CFHR4: variants seen among roughly 807,000 people sequenced by gnomAD.
CFHR4 encodes the protein complement factor H related 4.
A neutral mutation model predicts 69.3 loss-of-function variants in CFHR4; 64 were observed. That is an observed-to-expected ratio of 0.92 (90% CI 0.76 to 1.14). CFHR4 has a LOEUF of 1.14. Ranked by LOEUF, CFHR4 falls within the 50% of genes most tolerant of loss-of-function variation. The pLI is 0.00. For missense variants in CFHR4, 636 were observed against 684.9 expected, an observed-to-expected ratio of 0.93 and a Z score of 0.80; for synonymous variants, 244 against 237.0, an observed-to-expected ratio of 1.03 and a Z score of -0.27.
At chr1:196,896,944 C>T (rs781497552) in intron 1 of CFHR4, among the ~76,000 whole-genome samples, 2 of 151,404 alleles carry the variant, frequency 1.3e-5, no homozygotes, top group African/African-American at 4.9e-5. Flanking sequence ...ATGTGCACAA[C>T]GTGCAGGTTT....
rs1558251547 is a variant in CFHR4, at chr1:196,914,580, A to G, written c.1266A>G (p.Glu422=). 1 of 1,611,830 alleles carries G rather than the reference A, an allele frequency of 6.2e-7. No individual in the cohort carries two copies. The highest frequency in any genetic ancestry group is 8.5e-7 in the Non-Finnish European group (1 of 1,179,154). The change falls in exon 8 of 10, where the codon GAA becomes GAG. Residue 422 remains glutamate (E), a synonymous_variant. Coordinates refer to ENST00000608469, the MANE Select transcript of CFHR4 (RefSeq NM_001201550.3). ...AGCTCCATGACACATTGGACTACGAATGCTACGATGGATATGAAATCAGTT... is the reference window on the plus strand; with the variant it reads ...AGCTCCATGACACATTGGACTACGAGTGCTACGATGGATATGAAATCAGTT... ...RFKLHDTLDY[E]CYDGYEISYG...
intron 6 of CFHR4, among the ~76,000 whole-genome samples, 176 bp downstream of exon 6, chr1:196,910,654 G>A (rs941291949): frequency 4.0e-5 from 6 of 151,244 alleles, no homozygotes; most frequent in Non-Finnish European, 7.4e-5. Flanking sequence ...AAAATCACAT[G>A]AGAAATAAAT....
intron 1 of CFHR4, among the ~76,000 whole-genome samples, chr1:196,891,044 AG>A (rs1657002275): frequency 6.6e-6 from 1 of 151,474 alleles, no homozygotes; most frequent in African/African-American, 2.4e-5. Flanking sequence ...TGAGGCCAGG[AG>A]TTTGGGACCA....
At position 196,905,225 on chromosome 1, in the gene CFHR4, A is replaced by T. The variant is rs1177756748; in HGVS notation, c.374A>T (p.Glu125Val). Residue 125 changes from glutamate (E) to valine (V), a missense_variant, in exon 3 of 10, where the codon GAG (glutamate) becomes GTG (valine). Transcript: ENST00000608469. ...TGTAAACCAGGATATGCAACAGCAG[A>T]GGGAAATTCTTCAGGATCAATTACA... ...YNCKPGYATA[E>V]GNSSGSITCL... 2 of 1,611,792 alleles carry T rather than the reference A, an allele frequency of 1.2e-6. No homozygotes were observed. Among genetic ancestry groups the T allele is most frequent in the African/African-American group, 2.7e-5 (2 of 74,502 alleles).
rs184131375 is a variant in CFHR4, at chr1:196,910,223, A to G, written c.800-58A>G. On this transcript the variant is annotated intron_variant, in intron 5 of 9. Coordinates refer to ENST00000608469, the MANE Select transcript of CFHR4 (RefSeq NM_001201550.3). ...AACATAATCAAAACAGTCATCTCTT[A>G]TATCATTGTCTGTTACAGTGAAACA... 1.2e-3 allele frequency: 1,204 copies of G among 966,860 alleles called. 33 individuals carry two copies. In the African/African-American group the frequency reaches 0.013, roughly 10 times the overall value. The allele number at this position is 966,860 out of a possible 1,614,324, so 59.9% of individuals were successfully genotyped here.
chr1:196,888,324 T>C (rs1656836268), intron 1 of CFHR4, 116 bp downstream of exon 1: 1 of 921,552 alleles, frequency 1.1e-6, no homozygotes, highest in Non-Finnish European at 1.7e-6. Flanking sequence ...TTCACTATGC[T>C]AGCAGAAGTA....
intron 5 of CFHR4, among the ~76,000 whole-genome samples, chr1:196,909,433 AT>A (rs1658116028): frequency 6.6e-6 from 1 of 151,622 alleles, no homozygotes; most frequent in Non-Finnish European, 1.5e-5. Context: ...TTTGAAAAAT[AT>A]GTTTGGAGAA....
chr1:196,918,520 A>T lies in CFHR4; in HGVS notation c.*114A>T. On this transcript the variant is annotated 3_prime_UTR_variant, in exon 10 of 10. Transcript: ENST00000608469. ...GTAATTTCTACTTTATTTCAAAGAA[A>T]ATTAATATAATAGTTTCAATTTGCA... 9.3e-7 allele frequency: 1 copy of T among 1,076,006 alleles called. No individual in the cohort carries two copies. The highest frequency in any genetic ancestry group is 1.4e-6 in the Non-Finnish European group (1 of 721,548). The allele number at this position is 1,076,006 out of a possible 1,614,324, so 66.7% of individuals were successfully genotyped here.
intron 1 of CFHR4, among the ~76,000 whole-genome samples, chr1:196,893,833 A>G (rs939709319): frequency 6.6e-6 from 1 of 151,608 alleles, no homozygotes; most frequent in Non-Finnish European, 1.5e-5. Flanking sequence ...GTAGCTTAAT[A>G]AACCAAAGTT....
intron 9 of CFHR4, among the ~76,000 whole-genome samples, 167 bp from the exon 10 acceptor site, chr1:196,918,043 T>C (rs890451221): frequency 6.6e-6 from 1 of 151,674 alleles, no homozygotes; most frequent in Non-Finnish European, 1.5e-5. Context: ...ACTGAACTTA[T>C]TATATTTTTG....
rs573229037 is a variant in CFHR4, at chr1:196,905,328, C to T, written c.439+38C>T. ...CATATTCCCACTCAGTTTCTGTCAACTTCTTTCCTCTCTTTGAGGTGATAG... is the reference window on the plus strand; with the variant it reads ...CATATTCCCACTCAGTTTCTGTCAATTTCTTTCCTCTCTTTGAGGTGATAG... On this transcript the variant is annotated intron_variant, in intron 3 of 9. Transcript: ENST00000608469. 468 of 1,606,360 alleles carry T rather than the reference C, an allele frequency of 2.9e-4. 13 individuals carry two copies. The African/African-American group carries it at 5.4e-3, about 18-fold the overall frequency.
At chr1:196,897,909 C>A (rs2124942912) in intron 1 of CFHR4, among the ~76,000 whole-genome samples, 1 of 151,418 alleles carries the variant, frequency 6.6e-6, no homozygotes, top group East Asian at 1.9e-4. Flanking sequence ...TGCCTGTCTC[C>A]TTTCCGTATC....
chr1:196,906,402 T>C (rs1039552854), intron 3 of CFHR4, among the ~76,000 whole-genome samples: 5 of 151,544 alleles, frequency 3.3e-5, no homozygotes, highest in Non-Finnish European at 7.4e-5. Context: ...ATTTGTAAAA[T>C]AAAAGATGCT....
chr1:196,914,453 G>A lies in CFHR4; in HGVS notation c.1181-42G>A, dbSNP rs562414750. ...GACTTTCTTAGTTGAGTTGTGCATC[G>A]TATGGCATAGAAAAGCAATCCTCAA... is the stretch of plus-strand genomic sequence containing the variant. On this transcript the variant is annotated intron_variant, in intron 7 of 9. Transcript: ENST00000608469. 2.8e-5 allele frequency: 44 copies of A among 1,577,948 alleles called. 1 individual carries two copies. The highest frequency in any genetic ancestry group is 1.4e-4 in the South Asian group (12 of 85,292).
In CFHR4 at chr1:196,908,221, T is replaced by G. The variant is rs189094357; in HGVS notation, c.799+723T>G. On this transcript the variant is annotated intron_variant, in intron 5 of 9. Coordinates refer to ENST00000608469, the MANE Select transcript of CFHR4 (RefSeq NM_001201550.3). ...ACACCTAATGTAGGTGATGGGTTGA[T>G]GGGTGCAGCAAACCACCATGGCACA... is the stretch of plus-strand genomic sequence containing the variant. Among the ~76,000 whole-genome samples the G allele has an allele frequency of 6.8e-3, 1,033 of 151,308 alleles. 41 individuals are homozygous for G. The highest frequency in any genetic ancestry group is 0.024 in the African/African-American group (990 of 41,000).
At chr1:196,913,348 C>T (rs1658386952) in intron 7 of CFHR4, among the ~76,000 whole-genome samples, 1 of 151,548 alleles carries the variant, frequency 6.6e-6, no homozygotes, top group South Asian at 2.1e-4. Context: ...TTCTGAATTT[C>T]TGCTAGCATC....
chr1:196,897,671 T>G (rs950537722), intron 1 of CFHR4, among the ~76,000 whole-genome samples: 3 of 151,422 alleles, frequency 2.0e-5, no homozygotes, highest in African/African-American at 7.3e-5. Context: ...CTCATTTCCC[T>G]CGGCATCCAG....
intron 1 of CFHR4, among the ~76,000 whole-genome samples, chr1:196,890,870 A>G (rs1255714945): frequency 6.6e-6 from 1 of 151,618 alleles, no homozygotes; most frequent in African/African-American, 2.4e-5. Flanking sequence ...CTTCTCTATG[A>G]AACTCCAGTG....
Position 196,895,094 on chromosome 1 carries a change from ATAG to A in CFHR4, c.58+6890_58+6892del, listed in dbSNP as rs1385807426. Among the ~76,000 whole-genome samples the A allele has an allele frequency of 2.0e-4, 31 of 151,428 alleles. 1 individual carries two copies. The highest frequency in any genetic ancestry group is 7.3e-4 in the African/African-American group (30 of 41,076). ...TATTAAAGAAAAAAGTTAGCCTGAT[ATAG>A]TAGAGCATGCCTGTAGTCCTTACAA... On this transcript the variant is annotated intron_variant, in intron 1 of 9. Coordinates refer to ENST00000608469, the MANE Select transcript of CFHR4 (RefSeq NM_001201550.3).
Sources: allele counts gnomAD v4.1 joint callset (sites outside exome capture counted in the v4.1 genomes callset), GRCh38; gene constraint gnomAD v4.1.1; transcripts MANE v1.5; gene names NCBI Gene and HGNC (gene_info 2026-07-23, HGNC 2026-07-21).